Variants in RGL1 observed in about 807,000 individuals in gnomAD.
RGL1 encodes the protein ral guanine nucleotide dissociation stimulator like 1.
In RGL1, 24 loss-of-function variants were observed where a neutral mutation model predicts 95.2. The ratio of observed to expected loss-of-function variants is 0.25; its 90% CI spans 0.18 to 0.35. RGL1 has a LOEUF of 0.35. RGL1 is among the 10% of genes least tolerant of loss of function. The probability of loss-of-function intolerance (pLI) is 1.00; values close to 1 mark genes in which losing one functional copy is unlikely to be tolerated. For missense variants in RGL1, 715 were observed against 936.3 expected (o/e 0.76, Z 3.08); for synonymous variants, 329 against 344.9 (o/e 0.95, Z 0.51).
At chr1:183,652,822 G>A (rs58620414) in intron 1 of RGL1, among the ~76,000 whole-genome samples, 10,476 of 152,258 alleles carry the variant, frequency 0.069, 628 homozygotes, top group African/African-American at 0.16. Flanking sequence ...AGAGCCCAGC[G>A]TGCTGGAGGG....
chr1:183,847,489 CTTCA>C (rs895578139), intron 2 of RGL1, 73 bp from the exon 3 acceptor site: 13 of 1,189,252 alleles, frequency 1.1e-5, no homozygotes, highest in Non-Finnish European at 1.6e-5. Context: ...AGGCTATGGC[CTTCA>C]ACTATTTCAA....
intron 2 of RGL1, among the ~76,000 whole-genome samples, chr1:183,766,255 A>G (rs1044662209): frequency 1.3e-5 from 2 of 152,086 alleles, no homozygotes; most frequent in Non-Finnish European, 2.9e-5. Context: ...CCAGTACAAC[A>G]CTTGTACATA....
rs140364760 is a variant in RGL1 at position 183,691,531 on chromosome 1, A to G, written c.-32-50595A>G. 2.0e-3 allele frequency among the ~76,000 whole-genome samples: 304 copies of G among 152,364 alleles called. 1 individual carries two copies. Among genetic ancestry groups the G allele is most frequent in the African/African-American group, 6.9e-3 (289 of 41,588 alleles). On this transcript the variant is annotated intron_variant, in intron 1 of 18. Transcript: ENST00000304685. ...CATATTATTGGTTTATGTAATTGAT[A>G]AGAGCCCAGTAATTGAGGAACAAAA... is the stretch of plus-strand genomic sequence containing the variant.
At chr1:183,702,667 G>A (rs754731022) in intron 1 of RGL1, among the ~76,000 whole-genome samples, 2 of 152,148 alleles carry the variant, frequency 1.3e-5, no homozygotes, top group Non-Finnish European at 2.9e-5. Flanking sequence ...TAGATGGATT[G>A]GTGTTATGAC....
At chr1:183,912,939 A>G (rs1252166669) in intron 15 of RGL1, among the ~76,000 whole-genome samples, 1 of 152,184 alleles carries the variant, frequency 6.6e-6, no homozygotes, top group African/African-American at 2.4e-5. Context: ...ACATAAGTAA[A>G]TGAAGCAGAG....
chr1:183,787,121 A>G (rs1019921172), intron 2 of RGL1, among the ~76,000 whole-genome samples: 2 of 152,236 alleles, frequency 1.3e-5, no homozygotes, highest in Non-Finnish European at 2.9e-5. Context: ...TCATGGAATG[A>G]GCTAATGAGA....
upstream of RGL1, among the ~76,000 whole-genome samples, chr1:183,802,600 CAAAAAAAA>C (rs34038144): frequency 2.2e-5 from 2 of 90,068 alleles, no homozygotes; most frequent in African/African-American, 7.9e-5. Flanking sequence ...GGTGTATCAG[CAAAAAAAA>C]AAAAAAAAAA....
intron 1 of RGL1, chr1:183,647,753 C>G (rs1273916267): frequency 1.2e-6 from 2 of 1,614,032 alleles, no homozygotes; most frequent in African/African-American, 1.3e-5. Flanking sequence ...TTTCCACTAT[C>G]TCCACTGACC....
At chr1:183,922,925 A>G (rs1317798538) in intron 17 of RGL1, among the ~76,000 whole-genome samples, 1 of 152,172 alleles carries the variant, frequency 6.6e-6, no homozygotes, top group Admixed American at 6.5e-5. Flanking sequence ...ATTTAAAGAA[A>G]TCTCTTTTAT....
intron 1 of RGL1, among the ~76,000 whole-genome samples, chr1:183,721,457 GCA>G (rs1483485461): frequency 6.6e-6 from 1 of 152,110 alleles, no homozygotes; most frequent in East Asian, 1.9e-4. Context: ...TTAACTTCAA[GCA>G]CACGTCCTTA....
intron 13 of RGL1, among the ~76,000 whole-genome samples, chr1:183,905,345 C>T (rs983174085): frequency 6.6e-6 from 1 of 152,152 alleles, no homozygotes; most frequent in Non-Finnish European, 1.5e-5. Flanking sequence ...TTTGTCATTC[C>T]TGTTAATTGA....
intron 1 of RGL1, among the ~76,000 whole-genome samples, chr1:183,741,889 C>G (rs1233889845): frequency 6.6e-6 from 1 of 152,146 alleles, no homozygotes; most frequent in Non-Finnish European, 1.5e-5. Context: ...TTGCACTTTG[C>G]TTTAAAATTT....
chr1:183,852,561 C>G (rs1393266506), intron 3 of RGL1, among the ~76,000 whole-genome samples: 1 of 152,174 alleles, frequency 6.6e-6, no homozygotes, highest in Non-Finnish European at 1.5e-5. Flanking sequence ...CATCTTTAAT[C>G]CCAGCACTTT....
At chr1:183,807,154 A>G (rs568829944) in intron 2 of RGL1, among the ~76,000 whole-genome samples, 49 of 152,292 alleles carry the variant, frequency 3.2e-4, no homozygotes, top group African/African-American at 1.0e-3. Context: ...AGATCCTTCA[A>G]CACATCCCAA....
chr1:183,654,326 G>T (rs536038360), intron 1 of RGL1, among the ~76,000 whole-genome samples: 1 of 152,278 alleles, frequency 6.6e-6, no homozygotes, highest in African/African-American at 2.4e-5. Flanking sequence ...CCCACAGTTT[G>T]CCATGGGTCA....
intron 1 of RGL1, among the ~76,000 whole-genome samples, chr1:183,680,520 T>C (rs1411195036): frequency 6.6e-6 from 1 of 152,052 alleles, no homozygotes; most frequent in Non-Finnish European, 1.5e-5. Flanking sequence ...GCCTCTGTTC[T>C]GTTCCATTGG....
exon 1 of RGL1, chr1:183,636,283 T>G (rs1371988219): frequency 2.5e-6 from 1 of 397,590 alleles, no homozygotes; most frequent in African/African-American, 2.1e-5. Context: ...GGCAGAGTGA[T>G]GCACACCCGG....
At chr1:183,821,047 T>C (rs1462271920) in intron 2 of RGL1, among the ~76,000 whole-genome samples, 1 of 152,038 alleles carries the variant, frequency 6.6e-6, no homozygotes, top group Non-Finnish European at 1.5e-5. Context: ...GCATGAGAAT[T>C]GCTTGTACCC....
chr1:183,758,886 T>C (rs992650388), intron 2 of RGL1, among the ~76,000 whole-genome samples: 2 of 152,206 alleles, frequency 1.3e-5, no homozygotes, highest in African/African-American at 4.8e-5. Flanking sequence ...CTTAGAACTC[T>C]GTTAGGCTCC....
Sources: allele counts gnomAD v4.1 joint callset (sites outside exome capture counted in the v4.1 genomes callset), GRCh38; gene constraint gnomAD v4.1.1; transcripts MANE v1.5; gene names NCBI Gene and HGNC (gene_info 2026-07-23, HGNC 2026-07-21).